The following IFI44 variants were observed in gnomAD, a reference collection of about 807,000 sequenced individuals.
The protein encoded by IFI44 is interferon-induced protein 44.
In IFI44, 42 loss-of-function variants were observed where a neutral mutation model predicts 45.0. The observed-to-expected ratio is 0.93, with a 90% CI of 0.73 to 1.21. The LOEUF (loss-of-function observed/expected upper bound fraction) is 1.21, where lower values mean the gene tolerates loss of function less well. IFI44 is among the 50% of genes most tolerant of loss of function. The pLI, the probability that IFI44 is intolerant of heterozygous loss-of-function variation, is 0.00. For missense variants in IFI44, 623 were observed against 525.8 expected, an observed-to-expected ratio of 1.18 and a Z score of -1.81; for synonymous variants, 221 against 188.6, an observed-to-expected ratio of 1.17 and a Z score of -1.41.
chr1:78,656,760 C>T (rs1318013831), intron 5 of IFI44, among the ~76,000 whole-genome samples: 1 of 149,794 alleles, frequency 6.7e-6, no homozygotes, highest in East Asian at 1.9e-4. Context: ...GACATCTTTA[C>T]ATATCTCGTG....
rs144681126 is a variant in IFI44, at chr1:78,655,438, G to T, written c.767G>T (p.Ser256Ile). Residue 256 changes from serine to isoleucine, a missense_variant, in exon 5 of 9, where the codon AGT becomes ATT. Ser to Ile is a moderately radical substitution (Grantham distance 142). Coordinates refer to ENST00000370747, the MANE Select transcript of IFI44 (RefSeq NM_006417.5). ...ATTCTGTGTGACTCACTGGGGCTGA[G>T]TGAGAAAGAAGGCGGCCTGTGCAGG... ...PFILCDSLGL[S>I]EKEGGLCRDD... The T allele has an allele frequency of 3.1e-6, 5 of 1,613,838 alleles. No homozygotes were observed. The African/African-American group carries it at 6.7e-5, about 22-fold the overall frequency.
At position 78,659,499 on chromosome 1, in the gene IFI44, C is replaced by T. The variant is rs374313633; in HGVS notation, c.1012+16C>T. ...GTAAACGCTGGTGAGTCTCATTCCA[C>T]TTTGCTAAGGGTAATACCACTAAGG... is the stretch of plus-strand genomic sequence containing the variant. On this transcript the variant is annotated intron_variant, in intron 6 of 8. Transcript: ENST00000370747. 4 of 1,602,304 alleles carry T rather than the reference C, an allele frequency of 2.5e-6. No homozygotes were observed. The highest frequency in any genetic ancestry group is 1.3e-5 in the African/African-American group (1 of 74,702).
intron 2 of IFI44, among the ~76,000 whole-genome samples, chr1:78,651,774 T>C (rs892204209): frequency 7.9e-5 from 12 of 152,312 alleles, no homozygotes; most frequent in Admixed American, 6.5e-4. Flanking sequence ...AGATTCCTCA[T>C]ATAAGCGGGA....
At chr1:78,663,600 G>T (rs1455595928) in intron 8 of IFI44, 165 bp from the exon 9 acceptor site, 1 of 985,160 alleles carries the variant, frequency 1.0e-6, no homozygotes, top group Non-Finnish European at 1.2e-6. Flanking sequence ...TAACTTTGTT[G>T]CTCTAACTCT....
In IFI44 at chr1:78,651,614, G is replaced by A. The variant is rs117511234; in HGVS notation, c.457+962G>A. Among the ~76,000 whole-genome samples the A allele has an allele frequency of 2.6e-5, 4 of 152,248 alleles. No individual in the cohort carries two copies. The East Asian group carries it at 7.7e-4, about 29-fold the overall frequency. On this transcript the variant is annotated intron_variant, in intron 2 of 8. Transcript: ENST00000370747. ...CCTGCCATATGGTATTGTTGCTGTA[G>A]GTACTATGCTGTACAGTAGATCTCT...
At chr1:78,654,353 A>G (rs1158836060) in intron 3 of IFI44, 74 bp downstream of exon 3, 1 of 778,640 alleles carries the variant, frequency 1.3e-6, no homozygotes, top group Non-Finnish European at 2.2e-6. Context: ...TCTCATCAAT[A>G]TAATTGGCAA....
At chr1:78,653,674 T>A (rs1450872116) in intron 2 of IFI44, among the ~76,000 whole-genome samples, 2 of 152,172 alleles carry the variant, frequency 1.3e-5, no homozygotes, top group African/African-American at 4.8e-5. Flanking sequence ...TTTACTGTGC[T>A]CTGGTTGGGT....
At chr1:78,663,101 G>T (rs952976283) in intron 8 of IFI44, 1 of 984,818 alleles carries the variant, frequency 1.0e-6, no homozygotes, top group Non-Finnish European at 1.2e-6. Flanking sequence ...TTCCCTTTTT[G>T]TCTTGAGATG....
At chr1:78,663,392 G>A (rs1436573122) in intron 8 of IFI44, 3 of 984,902 alleles carry the variant, frequency 3.0e-6, no homozygotes, top group Non-Finnish European at 3.6e-6. Context: ...TTATGTAATG[G>A]CCACCGCATT....
chr1:78,663,778 G>C lies in IFI44; in HGVS notation c.1302G>C (p.Glu434Asp). ...LPFEQIGNLR[E>D]EIINCAQGKK The stretch of plus-strand genomic sequence containing the variant: ...TTCTTTTCTCAGGGAATCTAAGGGA[G>C]GAAATTATCAACTGTGCACAAGGAA... The change falls in exon 9 of 9, where the codon GAG becomes GAC. Residue 434 changes from glutamate (E) to aspartate (D), a missense_variant. Physicochemically the swap from Glu to Asp is conservative, Grantham distance 45. Coordinates refer to ENST00000370747, the MANE Select transcript of IFI44 (RefSeq NM_006417.5). The C allele has an allele frequency of 6.2e-7, 1 of 1,612,274 alleles. No individual in the cohort carries two copies. The highest frequency in any genetic ancestry group is 1.1e-5 in the South Asian group (1 of 90,834).
rs758348133 is a variant in IFI44 at position 78,654,319 on chromosome 1, A to G, written c.494+40A>G. On this transcript the variant is annotated intron_variant, in intron 3 of 8. Transcript: ENST00000370747. ...TTAAGATTCTATTACTCTCTTCATT[A>G]TCTTTGACTTATTCTATGATAGGTC... is the stretch of plus-strand genomic sequence containing the variant. 6.6e-6 allele frequency: 7 copies of G among 1,068,146 alleles called. No homozygotes were observed. In the South Asian group the frequency reaches 7.7e-5, roughly 12 times the overall value. The allele number at this position is 1,068,146 out of a possible 1,614,324, so 66.2% of individuals were successfully genotyped here.
At chr1:78,654,337 G>C in intron 3 of IFI44, 58 bp downstream of exon 3, 1 of 900,312 alleles carries the variant, frequency 1.1e-6, no homozygotes. Flanking sequence ...CTTATTCTAT[G>C]ATAGGTCTCA....
rs754351126 is a variant in IFI44, at chr1:78,650,543, A to C, written c.348A>C (p.Ile116=). 1 of 1,613,684 alleles carries C rather than the reference A, an allele frequency of 6.2e-7. No individual in the cohort carries two copies. The highest frequency in any genetic ancestry group is 1.7e-5 in the Admixed American group (1 of 60,022). The change falls in exon 2 of 9, where the codon ATA becomes ATC. Residue 116 remains isoleucine (I), a synonymous_variant. Coordinates refer to ENST00000370747, the MANE Select transcript of IFI44 (RefSeq NM_006417.5). ...ATAACTCCCCAACTAATTTCCAGAT[A>C]GATGGAAGAAATAGAAAAGTGATTA... ...TKYNSPTNFQ[I]DGRNRKVIMD...
intron 5 of IFI44, among the ~76,000 whole-genome samples, chr1:78,656,708 T>A (rs943464712): frequency 1.3e-5 from 2 of 151,152 alleles, no homozygotes; most frequent in Non-Finnish European, 3.0e-5. Context: ...TTCTTGTTGT[T>A]TAGATTGAAA....
intron 7 of IFI44, 70 bp from the exon 8 acceptor site, chr1:78,662,634 C>T (rs1338110784): frequency 1.4e-5 from 17 of 1,243,878 alleles, no homozygotes; most frequent in South Asian, 2.8e-5. Flanking sequence ...ATATTGCTTT[C>T]ATAATTTATA....
chr1:78,655,554 G>T, intron 5 of IFI44, 43 bp downstream of exon 5: 2 of 1,515,008 alleles, frequency 1.3e-6, no homozygotes, highest in Non-Finnish European at 1.8e-6. Flanking sequence ...TTTTTAAAAT[G>T]CTTATTTTTG....
In IFI44 at chr1:78,655,299, T is replaced by C. The variant is rs1413384498; in HGVS notation, c.691-63T>C. ...TTTTGCAGATCAACTTTATTACATA[T>C]AGACTTCATCTCAATTTATAATAAA... is the stretch of plus-strand genomic sequence containing the variant. On this transcript the variant is annotated intron_variant, in intron 4 of 8. Coordinates refer to ENST00000370747, the MANE Select transcript of IFI44 (RefSeq NM_006417.5). 12 of 1,561,966 alleles carry C rather than the reference T, an allele frequency of 7.7e-6. No individual in the cohort carries two copies. In the Admixed American group the frequency reaches 1.7e-4, roughly 23 times the overall value.
At chr1:78,655,564 G>A (rs868586504) in intron 5 of IFI44, 53 bp downstream of exon 5, 1 of 1,453,172 alleles carries the variant, frequency 6.9e-7, no homozygotes, top group Middle Eastern at 1.9e-4. Context: ...GCTTATTTTT[G>A]TACAAATGTA....
chr1:78,660,115 T>C (rs1204694150), intron 6 of IFI44, among the ~76,000 whole-genome samples: 5 of 152,202 alleles, frequency 3.3e-5, no homozygotes, highest in Non-Finnish European at 7.3e-5. Context: ...AGATGATTGC[T>C]AGTGTTGTGA....
Sources: allele counts gnomAD v4.1 joint callset (sites outside exome capture counted in the v4.1 genomes callset), GRCh38; gene constraint gnomAD v4.1.1; transcripts MANE v1.5; gene names NCBI Gene and HGNC (gene_info 2026-07-23, HGNC 2026-07-21).